BCAS3: variants seen among roughly 807,000 people sequenced by gnomAD.
BCAS3 encodes BCAS3 microtubule associated cell migration factor.
In BCAS3, 53 loss-of-function variants were observed where a neutral mutation model predicts 116.1. The observed-to-expected ratio is 0.46, with a 90% CI of 0.37 to 0.57. The LOEUF (loss-of-function observed/expected upper bound fraction) is 0.57, where lower values mean the gene tolerates loss of function less well. BCAS3 is among the 20% of genes least tolerant of loss of function. The probability of loss-of-function intolerance (pLI) is 0.00; values close to 1 mark genes in which losing one functional copy is unlikely to be tolerated. For missense variants in BCAS3, 917 were observed against 1,165.4 expected (o/e 0.79, Z 3.10); for synonymous variants, 391 against 408.2 (o/e 0.96, Z 0.51).
At chr17:60,769,003 A>G (rs7211703) in intron 6 of BCAS3, among the ~76,000 whole-genome samples, 41,692 of 152,002 alleles carry the variant, frequency 0.27, 11,425 homozygotes, top group African/African-American at 0.71. Context: ...CTGTCCTTTG[A>G]CTTGATGGTG....
chr17:61,255,737 TG>T (rs1336932055), intron 22 of BCAS3, among the ~76,000 whole-genome samples: 32 of 152,222 alleles, frequency 2.1e-4, no homozygotes, highest in African/African-American at 7.0e-4. Context: ...AGGGTTTTAG[TG>T]CTAAAGGGTT....
At position 60,910,706 on chromosome 17, in the gene BCAS3, A is replaced by G; in HGVS notation, c.993+4A>G. 6.3e-7 allele frequency: 1 copy of G among 1,599,858 alleles called. No individual in the cohort carries two copies. Among genetic ancestry groups the G allele is most frequent in the Non-Finnish European group, 8.5e-7 (1 of 1,173,350 alleles). On this transcript the variant is annotated splice_donor_region_variant and intron_variant, in intron 12 of 23. Transcript: ENST00000407086. The stretch of plus-strand genomic sequence containing the variant: ...CGAAACCGTTGGAGAGGGCCAGGTA[A>G]GAAGAACTTTTGGTGCGTACCATGT...
chr17:60,866,835 C>T (rs556714108), intron 7 of BCAS3, among the ~76,000 whole-genome samples: 35 of 152,120 alleles, frequency 2.3e-4, no homozygotes, highest in Non-Finnish European at 4.3e-4. Flanking sequence ...ATTCTATTAT[C>T]TTTAAAAATA....
In BCAS3 at chr17:61,256,379, C is replaced by T. The variant is rs185449693; in HGVS notation, c.2426-111948C>T. 6.6e-5 allele frequency among the ~76,000 whole-genome samples: 10 copies of T among 152,320 alleles called. No individual in the cohort carries two copies. The highest frequency in any genetic ancestry group is 1.3e-4 in the Admixed American group (2 of 15,304). ...AGTGCAGCGGTGTGATCAAGGCTCA[C>T]TGCAACCTCCGCCTCTGGGGTTCAA... On this transcript the variant is annotated intron_variant, in intron 22 of 23. Coordinates refer to ENST00000407086, the MANE Select transcript of BCAS3 (RefSeq NM_017679.5). This position sits in a 1 kb window ranked among gnomAD's most constrained non-coding sequence, Gnocchi z 5.6.
rs2057596326 is a variant in BCAS3 at position 61,347,871 on chromosome 17, CAG to C, written c.2426-20455_2426-20454del. 6.6e-5 allele frequency among the ~76,000 whole-genome samples: 10 copies of C among 152,154 alleles called. No homozygotes were observed. Among genetic ancestry groups the C allele is most frequent in the Admixed American group, 6.5e-4 (10 of 15,276 alleles). On this transcript the variant is annotated intron_variant, in intron 22 of 23. Transcript: ENST00000407086. The surrounding 1 kb of genome is among the most constrained non-coding windows in gnomAD (Gnocchi z 4.3). ...AGAGGGAGCAGCAGATGCACAGACA[CAG>C]GGGCAAGGCGCAAGGTGGGGTGTAG... is the stretch of plus-strand genomic sequence containing the variant.
chr17:61,303,858 T>A (rs2144751306), intron 22 of BCAS3, among the ~76,000 whole-genome samples: 1 of 152,346 alleles, frequency 6.6e-6, no homozygotes, highest in Non-Finnish European at 1.5e-5. Context: ...GCACCAAGTC[T>A]TGTGCCTGGC....
intron 11 of BCAS3, among the ~76,000 whole-genome samples, chr17:60,909,033 C>G (rs2058343358): frequency 6.6e-6 from 1 of 152,098 alleles, no homozygotes; most frequent in Non-Finnish European, 1.5e-5. Context: ...ACTGTTTGAG[C>G]TTCCATTTTA....
At chr17:60,912,562 C>T (rs532001513) in intron 12 of BCAS3, among the ~76,000 whole-genome samples, 6 of 152,114 alleles carry the variant, frequency 3.9e-5, no homozygotes, top group African/African-American at 1.4e-4. Flanking sequence ...CTCTGCCTCT[C>T]CTGTCTTAAC....
At chr17:60,819,742 A>G (rs538274805) in intron 7 of BCAS3, among the ~76,000 whole-genome samples, 5 of 139,710 alleles carry the variant, frequency 3.6e-5, no homozygotes, top group Non-Finnish European at 3.1e-5. Context: ...CTTCCCTCCT[A>G]CCCTCCCCCT....
chr17:61,019,237 T>C lies in BCAS3; in HGVS notation c.1637+3336T>C, dbSNP rs919517520. On this transcript the variant is annotated intron_variant, in intron 16 of 23. Coordinates refer to ENST00000407086, the MANE Select transcript of BCAS3 (RefSeq NM_017679.5). This position sits in a 1 kb window ranked among gnomAD's most constrained non-coding sequence, Gnocchi z 5.6. ...AGATTCTCGTTAAGAGTGCAAACCC[T>C]ATTGTTGTGAACTACACATGTGAGG... is the stretch of plus-strand genomic sequence containing the variant. 2.1e-4 allele frequency among the ~76,000 whole-genome samples: 32 copies of C among 152,166 alleles called. No homozygotes were observed. The highest frequency in any genetic ancestry group is 6.8e-4 in the African/African-American group (28 of 41,446).
chr17:61,169,157 A>T (rs978914443), intron 22 of BCAS3, among the ~76,000 whole-genome samples: 1 of 152,218 alleles, frequency 6.6e-6, no homozygotes, highest in Non-Finnish European at 1.5e-5. Flanking sequence ...TTTTCTCAAC[A>T]GTTCTAATAC....
intron 14 of BCAS3, among the ~76,000 whole-genome samples, chr17:60,976,302 G>A (rs977922244): frequency 1.6e-4 from 24 of 150,762 alleles, no homozygotes; most frequent in African/African-American, 5.1e-4. Flanking sequence ...GGGATTACAG[G>A]CTTGAGCCAC....
chr17:61,341,066 G>A (rs779270905), intron 22 of BCAS3, among the ~76,000 whole-genome samples: 9 of 152,158 alleles, frequency 5.9e-5, no homozygotes, highest in African/African-American at 1.2e-4. Context: ...GAGTATGATC[G>A]GGTTAGTGTT....
At chr17:61,193,877 GAGGCTGA>G (rs1244396421) in intron 22 of BCAS3, among the ~76,000 whole-genome samples, 1 of 152,090 alleles carries the variant, frequency 6.6e-6, no homozygotes, top group Non-Finnish European at 1.5e-5. Flanking sequence ...AGCACTTTGG[GAGGCTGA>G]AGTGGGCGGA....
At chr17:60,747,304 ATCTT>A in intron 6 of BCAS3, 25 bp downstream of exon 6, 1 of 1,558,032 alleles carries the variant, frequency 6.4e-7, no homozygotes, top group Non-Finnish European at 8.8e-7. Context: ...TAAGAAAAGA[ATCTT>A]TCAGAAAAGA....
chr17:60,795,943 G>C (rs1470383713), intron 6 of BCAS3, among the ~76,000 whole-genome samples: 1 of 152,122 alleles, frequency 6.6e-6, no homozygotes, highest in African/African-American at 2.4e-5. Flanking sequence ...ACCCACCTCG[G>C]CCTCCCAAAG....
At chr17:60,920,403 C>G (rs2059009311) in intron 12 of BCAS3, among the ~76,000 whole-genome samples, 1 of 152,122 alleles carries the variant, frequency 6.6e-6, no homozygotes, top group Non-Finnish European at 1.5e-5. Context: ...TCAACAAGAA[C>G]AAATAACCCC....
At chr17:60,710,205 T>C (rs2037683452) in intron 5 of BCAS3, among the ~76,000 whole-genome samples, 1 of 152,168 alleles carries the variant, frequency 6.6e-6, no homozygotes, top group African/African-American at 2.4e-5. Context: ...ATAATTGTAT[T>C]CAGGAAACTT....
chr17:61,360,011 T>TC (rs1395791293), intron 22 of BCAS3, among the ~76,000 whole-genome samples: 1 of 3,658 alleles, frequency 2.7e-4, no homozygotes, highest in Non-Finnish European at 2.6e-3. Flanking sequence ...ATAACTTTTC[T>TC]TTTTTTTTTT....
Sources: allele counts gnomAD v4.1 joint callset (sites outside exome capture counted in the v4.1 genomes callset), GRCh38; gene constraint gnomAD v4.1.1; non-coding constraint Gnocchi (gnomAD v3.1); transcripts MANE v1.5; gene names NCBI Gene and HGNC (gene_info 2026-07-23, HGNC 2026-07-21).